PTPRD: variants seen among roughly 807,000 people sequenced by gnomAD.
PTPRD encodes the protein protein tyrosine phosphatase receptor type D.
Under a neutral mutation model 214.5 loss-of-function variants are expected in PTPRD, and 34 were observed. That is an observed-to-expected ratio of 0.16 (90% confidence interval 0.12 to 0.21). PTPRD has a LOEUF of 0.21. Among genes scored for constraint, PTPRD ranks in the 10% least tolerant of loss-of-function variants. The probability of loss-of-function intolerance (pLI) is 1.00; values close to 1 mark genes in which losing one functional copy is unlikely to be tolerated. For missense variants in PTPRD, 2,545 were observed against 2,398.7 expected (o/e 1.06, Z -1.27); for synonymous variants, 1,128 against 845.7 (o/e 1.33, Z -5.79).
chr9:8,983,081 T>C (rs1344160290), intron 11 of PTPRD, among the ~76,000 whole-genome samples: 1 of 152,096 alleles, frequency 6.6e-6, no homozygotes, highest in African/African-American at 2.4e-5. Flanking sequence ...CTTTTTCTTT[T>C]TTTCATAAAT....
chr9:9,923,259 T>TTC (rs397894458), intron 5 of PTPRD, among the ~76,000 whole-genome samples: 1 of 150,858 alleles, frequency 6.6e-6, no homozygotes, highest in Non-Finnish European at 1.5e-5. Flanking sequence ...GTTTTTTTTT[T>TTC]CAAATAAAAT....
chr9:8,321,770 C>G lies in PTPRD; in HGVS notation c.5535-1804G>C, dbSNP rs533632543. ...AGATAAAAGAAATATCCAGGTAATTCAATCCCAATATATACCATCTACTTT... is the reference window on the plus strand; with the variant it reads ...AGATAAAAGAAATATCCAGGTAATTGAATCCCAATATATACCATCTACTTT... On this transcript the variant is annotated intron_variant, in intron 44 of 45. Transcript: ENST00000381196. Among the ~76,000 whole-genome samples the G allele has an allele frequency of 5.3e-5, 8 of 151,772 alleles. No individual in the cohort carries two copies. In the East Asian group the frequency reaches 1.6e-3, roughly 30 times the overall value.
At chr9:9,177,652 C>CA (rs1001542219) in intron 10 of PTPRD, among the ~76,000 whole-genome samples, 3 of 151,238 alleles carry the variant, frequency 2.0e-5, no homozygotes, top group African/African-American at 4.9e-5. Context: ...TTATGGTGAG[C>CA]AAAAAAAATT....
At chr9:9,944,169 T>C (rs1305638066) in intron 4 of PTPRD, among the ~76,000 whole-genome samples, 1 of 152,150 alleles carries the variant, frequency 6.6e-6, no homozygotes, top group Non-Finnish European at 1.5e-5. Context: ...GCAGCTCATC[T>C]TTCCTGTTTG....
intron 5 of PTPRD, among the ~76,000 whole-genome samples, chr9:9,782,373 G>C (rs1253390672): frequency 6.6e-6 from 1 of 152,102 alleles, no homozygotes; most frequent in East Asian, 1.9e-4. Flanking sequence ...TAATCACAAT[G>C]TCTATTGCTA....
intron 9 of PTPRD, among the ~76,000 whole-genome samples, chr9:9,280,398 A>C (rs1057327652): frequency 4.6e-5 from 7 of 151,254 alleles, no homozygotes; most frequent in Admixed American, 4.0e-4. Flanking sequence ...CTACAAAAAA[A>C]CTCTTCCTGA....
At chr9:8,930,722 C>T (rs1001290725) in intron 11 of PTPRD, among the ~76,000 whole-genome samples, 1 of 152,176 alleles carries the variant, frequency 6.6e-6, no homozygotes, top group African/African-American at 2.4e-5. Context: ...TGATGATGAG[C>T]ATTTTTTCAT....
chr9:9,433,042 A>G (rs546623410), intron 8 of PTPRD, among the ~76,000 whole-genome samples: 5 of 152,316 alleles, frequency 3.3e-5, no homozygotes, highest in Non-Finnish European at 5.9e-5. Flanking sequence ...GCGTGTGTAT[A>G]AGAGTGTGTG....
intron 10 of PTPRD, among the ~76,000 whole-genome samples, chr9:9,144,977 T>G (rs1046709068): frequency 2.0e-5 from 3 of 152,214 alleles, no homozygotes; most frequent in Non-Finnish European, 4.4e-5. Flanking sequence ...ATTCTGAAAG[T>G]TATTAAGCAA....
intron 2 of PTPRD, among the ~76,000 whole-genome samples, chr9:10,450,370 TTATC>T (rs1314743844): frequency 6.6e-6 from 1 of 152,038 alleles, no homozygotes; most frequent in East Asian, 1.9e-4. Context: ...CTTAACTTCT[TTATC>T]TAATTGTCAT....
intron 4 of PTPRD, among the ~76,000 whole-genome samples, chr9:9,984,047 GA>G (rs1176946632): frequency 6.6e-6 from 1 of 151,864 alleles, no homozygotes; most frequent in Non-Finnish European, 1.5e-5. Context: ...GCAGTGATTG[GA>G]AAAATGACTT....
At chr9:9,973,922 G>C (rs1028028552) in intron 4 of PTPRD, among the ~76,000 whole-genome samples, 1 of 152,132 alleles carries the variant, frequency 6.6e-6, no homozygotes, top group African/African-American at 2.4e-5. Flanking sequence ...GTGATCACAA[G>C]CTTTCTATAC....
chr9:9,538,505 G>T (rs1395391954), intron 8 of PTPRD, among the ~76,000 whole-genome samples: 1 of 151,800 alleles, frequency 6.6e-6, no homozygotes, highest in East Asian at 1.9e-4. Context: ...CTTTAAAATG[G>T]CATGAGTCAG....
chr9:9,813,085 G>C (rs1032001292), intron 5 of PTPRD, among the ~76,000 whole-genome samples: 6 of 152,076 alleles, frequency 3.9e-5, no homozygotes, highest in African/African-American at 4.8e-5. Flanking sequence ...AAATCAAAAA[G>C]TATAAGGAGA....
Position 9,336,084 on chromosome 9 carries a change from G to C in PTPRD, c.-203+61365C>G, listed in dbSNP as rs549325183. On this transcript the variant is annotated intron_variant, in intron 9 of 45. Coordinates refer to ENST00000381196, the MANE Select transcript of PTPRD (RefSeq NM_002839.4). ...TATTTCCATCACAGGTTAAAGATAC[G>C]ACACACACATAATCTTTTATTTTCA... Among the ~76,000 whole-genome samples, 257 of 152,110 alleles carry C rather than the reference G, an allele frequency of 1.7e-3. 1 individual carries two copies. The highest frequency in any genetic ancestry group is 5.9e-3 in the African/African-American group (246 of 41,498).
chr9:8,918,368 T>G (rs895381105), intron 11 of PTPRD, among the ~76,000 whole-genome samples: 1 of 152,130 alleles, frequency 6.6e-6, no homozygotes, highest in Non-Finnish European at 1.5e-5. Flanking sequence ...TGTCAGAAAA[T>G]TAGCCTTACC....
chr9:9,197,344 C>A (rs1325473472), intron 9 of PTPRD, among the ~76,000 whole-genome samples: 2 of 152,192 alleles, frequency 1.3e-5, no homozygotes, highest in African/African-American at 4.8e-5. Flanking sequence ...AACTCAACTT[C>A]TTTGACTGGT....
At chr9:9,096,438 C>A (rs543695482) in intron 10 of PTPRD, among the ~76,000 whole-genome samples, 1 of 152,140 alleles carries the variant, frequency 6.6e-6, no homozygotes, top group Non-Finnish European at 1.5e-5. Context: ...AACTCCAGCA[C>A]TGAAAATTAT....
Position 8,331,739 on chromosome 9 carries a change from T to G in PTPRD, c.5380-3A>C. On this transcript the variant is annotated splice_region_variant and splice_polypyrimidine_tract_variant and intron_variant, in intron 43 of 45. Coordinates refer to ENST00000381196, the MANE Select transcript of PTPRD (RefSeq NM_002839.4). ...CTTACTGTTCGGGACTGGCCGTCCTTTAGAAGGAAAGCCACATACCCGGCC... is the reference window on the plus strand; with the variant it reads ...CTTACTGTTCGGGACTGGCCGTCCTGTAGAAGGAAAGCCACATACCCGGCC... 6.3e-7 allele frequency: 1 copy of G among 1,584,344 alleles called. No individual in the cohort carries two copies. Among genetic ancestry groups the G allele is most frequent in the Non-Finnish European group, 8.6e-7 (1 of 1,166,536 alleles).
Sources: gnomAD v4.1 joint callset for allele counts (sites outside exome capture counted in the v4.1 genomes callset) on GRCh38, gnomAD v4.1.1 for gene constraint, MANE v1.5 for transcripts, NCBI Gene and HGNC (gene_info 2026-07-23, HGNC 2026-07-21) for gene names.